Variants in FOXJ3 observed in about 807,000 individuals in gnomAD.
FOXJ3 encodes the protein forkhead box protein J3.
A neutral mutation model predicts 76.1 loss-of-function variants in FOXJ3; 22 were observed. The observed-to-expected ratio is 0.29, with a 90% CI of 0.21 to 0.41. The LOEUF is 0.41. FOXJ3 is among the 10% of genes least tolerant of loss of function. The probability of loss-of-function intolerance (pLI) is 1.00; values close to 1 mark genes in which losing one functional copy is unlikely to be tolerated. For missense variants in FOXJ3, 613 were observed against 762.1 expected, an observed-to-expected ratio of 0.80 and a Z score of 2.30; for synonymous variants, 269 against 261.2, an observed-to-expected ratio of 1.03 and a Z score of -0.29.
chr1:42,224,910 GACCC>G (rs1647427347), intron 5 of FOXJ3, among the ~76,000 whole-genome samples: 1 of 151,386 alleles, frequency 6.6e-6, no homozygotes, highest in East Asian at 2.0e-4. Flanking sequence ...AACATGGCAA[GACCC>G]CATCTCTACA....
chr1:42,227,837 G>T, intron 5 of FOXJ3, 46 bp downstream of exon 5: 1 of 1,021,340 alleles, frequency 9.8e-7, no homozygotes, highest in Non-Finnish European at 1.5e-6. Context: ...CTGTATTTCA[G>T]ACATATTCAA....
chr1:42,267,879 G>A (rs1311366687), intron 3 of FOXJ3, among the ~76,000 whole-genome samples: 1 of 152,004 alleles, frequency 6.6e-6, no homozygotes, highest in African/African-American at 2.4e-5. Context: ...CACAACTAGG[G>A]AAAGGCTCAG....
chr1:42,311,040 G>C lies in FOXJ3; in HGVS notation c.44+10C>G. On this transcript the variant is annotated intron_variant, in intron 2 of 12. Coordinates refer to ENST00000361346, the MANE Select transcript of FOXJ3 (RefSeq NM_014947.5). Reference sequence around the variant, plus strand: ...ATGTTCTAATAAAGAAAAAAAAAAAGAGCACTCACCTTAATGAAGTTACAG... The same window carrying C: ...ATGTTCTAATAAAGAAAAAAAAAAACAGCACTCACCTTAATGAAGTTACAG... 1 of 1,517,608 alleles carries C rather than the reference G, an allele frequency of 6.6e-7. No homozygotes were observed. Among genetic ancestry groups the C allele is most frequent in the Non-Finnish European group, 8.9e-7 (1 of 1,118,710 alleles). 94.0% of individuals were successfully genotyped at this position (1,517,608 alleles called of 1,614,324 possible).
chr1:42,262,510 T>C (rs554703169), intron 4 of FOXJ3, among the ~76,000 whole-genome samples: 1 of 152,286 alleles, frequency 6.6e-6, no homozygotes, highest in South Asian at 2.1e-4. Context: ...TAAGACCAAA[T>C]TTACATCTAT....
intron 7 of FOXJ3, among the ~76,000 whole-genome samples, chr1:42,197,640 G>T (rs1646676861): frequency 6.6e-6 from 1 of 150,908 alleles, no homozygotes; most frequent in Non-Finnish European, 1.5e-5. Flanking sequence ...CTAATACAAT[G>T]TAAACAGTTG....
chr1:42,280,438 TAAAAAAAAAA>T lies in FOXJ3; in HGVS notation c.45-1776_45-1767del, dbSNP rs71065112. 303 of 77,562 alleles carry T rather than the reference TAAAAAAAAAA, an allele frequency of 3.9e-3. 1 individual carries two copies. The Middle Eastern group carries it at 0.043, about 11-fold the overall frequency. 4.8% of individuals were successfully genotyped at this position (77,562 alleles called of 1,614,324 possible). A position where few individuals can be genotyped will look rare whatever the true frequency, so the allele number is the denominator to read the frequency against. ...ATCCATATAGCATCTTCAGAGATCT[TAAAAAAAAAA>T]AAAAAAAAAAAAAAAAAACTTACTA... is the stretch of plus-strand genomic sequence containing the variant. On this transcript the variant is annotated intron_variant, in intron 2 of 12. Transcript: ENST00000361346.
chr1:42,197,358 A>AG (rs372297046), intron 7 of FOXJ3, among the ~76,000 whole-genome samples: 6 of 152,080 alleles, frequency 3.9e-5, no homozygotes, highest in Admixed American at 1.3e-4. Context: ...AGAGAAAAAA[A>AG]GGGGGGGAGG....
intron 2 of FOXJ3, among the ~76,000 whole-genome samples, chr1:42,306,998 T>C (rs922870865): frequency 2.0e-5 from 3 of 152,188 alleles, no homozygotes; most frequent in Non-Finnish European, 4.4e-5. Context: ...AGACTCTCTG[T>C]GAACCACATT....
At chr1:42,195,533 C>A (rs545892180) in intron 7 of FOXJ3, among the ~76,000 whole-genome samples, 5 of 152,238 alleles carry the variant, frequency 3.3e-5, no homozygotes, top group African/African-American at 4.8e-5. Context: ...TGGCTCTGCC[C>A]AAAGCAACAA....
Position 42,188,742 on chromosome 1 carries a change from C to T in FOXJ3, c.1640G>A (p.Gly547Glu), listed in dbSNP as rs1481353327. The T allele has an allele frequency of 6.3e-7, 1 of 1,581,768 alleles. No individual in the cohort carries two copies. The stretch of plus-strand genomic sequence containing the variant: ...GAAGATAACTAACCCCATACCTGTT[C>T]CAATGTGTTGGGAAGGTTTTGTTGG... ...MHPTKPSQHI[G>E]TGNLYIDSRQ... The change falls in exon 11 of 13, where the codon GGA becomes GAA. Residue 547 changes from glycine to glutamate, a missense_variant. Around this residue, in one of 3 missense-constraint regions of FOXJ3, gnomAD observed 526 missense variants for 601.4 expected, o/e 0.87. Transcript: ENST00000361346.
At chr1:42,271,095 A>C (rs903100750) in intron 3 of FOXJ3, among the ~76,000 whole-genome samples, 4 of 152,174 alleles carry the variant, frequency 2.6e-5, no homozygotes, top group African/African-American at 9.7e-5. Flanking sequence ...GCCTCTACTG[A>C]AGTTCCACTA....
intron 4 of FOXJ3, among the ~76,000 whole-genome samples, chr1:42,254,666 G>T: frequency 6.9e-6 from 1 of 144,734 alleles, no homozygotes; most frequent in South Asian, 2.3e-4. Flanking sequence ...CCTTTGTAGG[G>T]ACATGGATGA....
At position 42,179,705 on chromosome 1, in the gene FOXJ3, A is replaced by G. The variant is rs369265864; in HGVS notation, c.*5T>C. 2 of 1,569,262 alleles carry G rather than the reference A, an allele frequency of 1.3e-6. No individual in the cohort carries two copies. The highest frequency in any genetic ancestry group is 1.4e-5 in the African/African-American group (1 of 74,048). On this transcript the variant is annotated 3_prime_UTR_variant, in exon 13 of 13. Coordinates refer to ENST00000361346, the MANE Select transcript of FOXJ3 (RefSeq NM_014947.5). ...TTAGGGTCTGGTGTCTTGCAGAAAC[A>G]AGCCCTACACAATTGAATCCCAATC...
At chr1:42,291,351 C>T (rs1241226426) in intron 2 of FOXJ3, among the ~76,000 whole-genome samples, 3 of 152,114 alleles carry the variant, frequency 2.0e-5, no homozygotes, top group East Asian at 3.8e-4. Context: ...TTAGATATGA[C>T]ACCAAAAGCA....
At chr1:42,235,769 G>C (rs1469138589) in intron 4 of FOXJ3, among the ~76,000 whole-genome samples, 1 of 152,044 alleles carries the variant, frequency 6.6e-6, no homozygotes, top group Non-Finnish European at 1.5e-5. Context: ...CACCATGTTG[G>C]CTAGGCTGAT....
At chr1:42,284,458 G>A (rs1244428690) in intron 2 of FOXJ3, among the ~76,000 whole-genome samples, 1 of 152,204 alleles carries the variant, frequency 6.6e-6, no homozygotes, top group Admixed American at 6.5e-5. Flanking sequence ...AGAGTTACAA[G>A]AAGAGACAGA....
chr1:42,228,518 T>A (rs1314189915), intron 4 of FOXJ3, among the ~76,000 whole-genome samples: 4 of 149,414 alleles, frequency 2.7e-5, no homozygotes, highest in Non-Finnish European at 5.9e-5. Flanking sequence ...TTTGAAAATA[T>A]GTATGGAGCA....
chr1:42,220,844 G>A (rs2124416394), intron 5 of FOXJ3, among the ~76,000 whole-genome samples: 1 of 152,194 alleles, frequency 6.6e-6, no homozygotes, highest in South Asian at 2.1e-4. Flanking sequence ...TTTCTTGTCT[G>A]CTTCTGAGGA....
At chr1:42,334,186 A>C in intron 1 of FOXJ3, 1 of 906,324 alleles carries the variant, frequency 1.1e-6, no homozygotes, top group Middle Eastern at 5.6e-4. Flanking sequence ...GCAACAGAGA[A>C]AAGAATAAGA....
Sources: gnomAD v4.1 joint callset for allele counts (sites outside exome capture counted in the v4.1 genomes callset) on GRCh38, gnomAD v4.1.1 for gene constraint, gnomAD v4.1.1 regional missense constraint, MANE v1.5 for transcripts, NCBI Gene and HGNC (gene_info 2026-07-23, HGNC 2026-07-21) for gene names.